Variants in KAZN observed in about 807,000 individuals in gnomAD.
KAZN encodes kazrin.
KAZN carries 40 observed loss-of-function variants against 87.4 expected under a neutral mutation model. That is an observed-to-expected ratio of 0.46 (90% confidence interval 0.36 to 0.60). KAZN has a LOEUF of 0.60. KAZN is among the 20% of genes least tolerant of loss of function. The pLI is 0.00. For missense variants in KAZN, 898 were observed against 1,073.9 expected (o/e 0.84, Z 2.29); for synonymous variants, 466 against 458.3 (o/e 1.02, Z -0.22).
At chr1:14,993,966 G>A (rs1667617790) in intron 2 of KAZN, among the ~76,000 whole-genome samples, 1 of 152,180 alleles carries the variant, frequency 6.6e-6, no homozygotes, top group Non-Finnish European at 1.5e-5. Context: ...GGACTTCTGG[G>A]TGTGTTTGTG....
intron 1 of KAZN, among the ~76,000 whole-genome samples, chr1:14,813,419 G>A (rs1264671505): frequency 6.6e-6 from 1 of 152,120 alleles, no homozygotes; most frequent in African/African-American, 2.4e-5. Context: ...CCATGGAGAG[G>A]AACCAAGGTT....
intron 1 of KAZN, among the ~76,000 whole-genome samples, chr1:14,775,619 G>A (rs147519896): frequency 7.9e-5 from 12 of 152,362 alleles, no homozygotes; most frequent in South Asian, 4.1e-4. Context: ...ATATGAGGAC[G>A]TAAAACATGC....
chr1:14,850,519 G>A (rs1372662931), intron 1 of KAZN, among the ~76,000 whole-genome samples: 4 of 152,150 alleles, frequency 2.6e-5, no homozygotes, highest in East Asian at 1.9e-4. Flanking sequence ...ACTTGCCCAC[G>A]GTTACTCAGA....
chr1:14,321,153 G>A lies in KAZN; in HGVS notation c.249+140561G>A, dbSNP rs935306124. On this transcript the variant is annotated intron_variant, in intron 2 of 16. Transcript: ENST00000636203. ...TTCCACTTCTTAAATGCTCATCAAG[G>A]CTCTTTGAAGTGTATATCGTGGCTT... Among the ~76,000 whole-genome samples, 7 of 152,090 alleles carry A rather than the reference G, an allele frequency of 4.6e-5. No homozygotes were observed. The East Asian group carries it at 1.3e-3, about 29-fold the overall frequency.
At chr1:14,696,321 G>T (rs549921366) in intron 1 of KAZN, among the ~76,000 whole-genome samples, 9 of 152,318 alleles carry the variant, frequency 5.9e-5, no homozygotes, top group African/African-American at 2.2e-4. Flanking sequence ...GCAATTAGTG[G>T]GAACACCAGC....
chr1:14,414,433 A>G (rs1664576571), intron 2 of KAZN, among the ~76,000 whole-genome samples: 1 of 152,060 alleles, frequency 6.6e-6, no homozygotes, highest in Non-Finnish European at 1.5e-5. Context: ...AGTAACTTGT[A>G]GTGTACTCAC....
chr1:13,991,756 A>C (rs1570469949), intron 1 of KAZN, among the ~76,000 whole-genome samples: 1 of 152,080 alleles, frequency 6.6e-6, no homozygotes, highest in South Asian at 2.1e-4. Flanking sequence ...ACTCTTCTGC[A>C]CCCCTGCCCT....
chr1:14,630,557 A>G (rs1259355278), intron 1 of KAZN, among the ~76,000 whole-genome samples: 1 of 152,204 alleles, frequency 6.6e-6, no homozygotes, highest in Non-Finnish European at 1.5e-5. Flanking sequence ...TTTTTAAAAG[A>G]TTATAGTAAT....
intron 2 of KAZN, among the ~76,000 whole-genome samples, chr1:14,369,809 C>T (rs1660320988): frequency 6.6e-6 from 1 of 152,154 alleles, no homozygotes; most frequent in Non-Finnish European, 1.5e-5. Context: ...GGTATGCATT[C>T]CACTAAAAAC....
chr1:14,493,179 A>G (rs1429386354), intron 2 of KAZN, among the ~76,000 whole-genome samples: 1 of 151,260 alleles, frequency 6.6e-6, no homozygotes, highest in African/African-American at 2.4e-5. Flanking sequence ...GGGGAATCTT[A>G]GGACTGCCTG....
intron 1 of KAZN, among the ~76,000 whole-genome samples, chr1:14,099,526 C>T (rs541651588): frequency 3.0e-4 from 46 of 152,250 alleles, no homozygotes; most frequent in African/African-American, 1.1e-3. Flanking sequence ...CTACCTGCCA[C>T]CCATCAGGAG....
At chr1:14,067,372 G>A (rs999963024) in intron 1 of KAZN, among the ~76,000 whole-genome samples, 7 of 152,166 alleles carry the variant, frequency 4.6e-5, no homozygotes, top group Admixed American at 1.3e-4. Context: ...ATGTTTCAGC[G>A]CACTGCTGGA....
At chr1:14,322,271 T>C (rs990306481) in intron 2 of KAZN, among the ~76,000 whole-genome samples, 9 of 150,284 alleles carry the variant, frequency 6.0e-5, no homozygotes, top group African/African-American at 2.0e-4. Context: ...AATAAATAAA[T>C]AAATAAAGTA....
intron 1 of KAZN, among the ~76,000 whole-genome samples, chr1:14,128,486 T>C (rs1200210333): frequency 6.6e-6 from 1 of 152,172 alleles, no homozygotes; most frequent in Non-Finnish European, 1.5e-5. Context: ...TCCTGTGGTC[T>C]CTCTCCTCGG....
rs1676796269 is a variant in KAZN at position 14,599,674 on chromosome 1, C to T, written c.226+451C>T. ...GCCGTGGTTGGGATAGAGGATTGCA[C>T]TGCTGTGCACTTTTCTCCGCGGATG... On this transcript the variant is annotated intron_variant, in intron 1 of 14. Coordinates refer to ENST00000376030, the MANE Select transcript of KAZN (RefSeq NM_201628.3). This position sits in a 1 kb window ranked among gnomAD's most constrained non-coding sequence, Gnocchi z 4.4. Among the ~76,000 whole-genome samples, 1 of 152,226 alleles carries T rather than the reference C, an allele frequency of 6.6e-6. No homozygotes were observed. Among genetic ancestry groups the T allele is most frequent in the Non-Finnish European group, 1.5e-5 (1 of 68,042 alleles).
intron 2 of KAZN, among the ~76,000 whole-genome samples, chr1:14,557,391 A>G (rs1002484130): frequency 3.9e-4 from 59 of 152,162 alleles, no homozygotes; most frequent in Non-Finnish European, 2.8e-4. Flanking sequence ...TGGACTAAAA[A>G]TCAAAATCTC....
intron 2 of KAZN, among the ~76,000 whole-genome samples, chr1:14,309,141 T>G (rs577895197): frequency 2.6e-5 from 4 of 152,260 alleles, no homozygotes; most frequent in Admixed American, 1.3e-4. Flanking sequence ...TTCAGGAATC[T>G]CAGAACAATA....
upstream of KAZN, among the ~76,000 whole-genome samples, chr1:14,597,894 C>T (rs1301249412): frequency 6.6e-6 from 1 of 152,146 alleles, no homozygotes; most frequent in Non-Finnish European, 1.5e-5. Context: ...GTCAGGTTAC[C>T]TCAGTTCTTC....
intron 1 of KAZN, among the ~76,000 whole-genome samples, chr1:14,713,861 G>A (rs985982972): frequency 1.3e-5 from 2 of 151,616 alleles, no homozygotes; most frequent in Non-Finnish European, 2.9e-5. Flanking sequence ...GGGGCCGAGC[G>A]GGGAGGATCG....
Sources: gnomAD v4.1 joint callset for allele counts (sites outside exome capture counted in the v4.1 genomes callset) on GRCh38, gnomAD v4.1.1 for gene constraint, Gnocchi (gnomAD v3.1) non-coding constraint, MANE v1.5 for transcripts, NCBI Gene and HGNC (gene_info 2026-07-23, HGNC 2026-07-21) for gene names.